The following ARHGAP15 variants were observed in gnomAD, a reference collection of about 807,000 sequenced individuals.
ARHGAP15 encodes rho GTPase-activating protein 15.
A neutral mutation model predicts 63.7 loss-of-function variants in ARHGAP15; 51 were observed. The observed-to-expected ratio is 0.80, with a 90% CI of 0.64 to 1.01. ARHGAP15 has a LOEUF of 1.01. Among genes scored for constraint, ARHGAP15 ranks in the 50% least tolerant of loss-of-function variants. The probability of loss-of-function intolerance (pLI) is 0.00; values close to 1 mark genes in which losing one functional copy is unlikely to be tolerated. For missense variants in ARHGAP15, 560 were observed against 564.6 expected (o/e 0.99, Z 0.08); for synonymous variants, 191 against 193.8 (o/e 0.99, Z 0.12).
intron 2 of ARHGAP15, among the ~76,000 whole-genome samples, chr2:143,173,289 AAGT>A (rs1438643918): frequency 1.3e-5 from 2 of 152,108 alleles, no homozygotes; most frequent in African/African-American, 4.8e-5. Context: ...ACAGTTATAC[AAGT>A]AGTATTTATA....
intron 8 of ARHGAP15, among the ~76,000 whole-genome samples, chr2:143,447,422 A>G (rs1690193346): frequency 6.6e-6 from 1 of 152,198 alleles, no homozygotes; most frequent in African/African-American, 2.4e-5. Context: ...AGTAAACTGA[A>G]AACCACTGAA....
chr2:143,543,103 G>A (rs1480438693), intron 10 of ARHGAP15, among the ~76,000 whole-genome samples: 3 of 151,606 alleles, frequency 2.0e-5, no homozygotes, highest in Non-Finnish European at 4.4e-5. Flanking sequence ...ATTTTTAATT[G>A]TTTGAGGAAT....
intron 11 of ARHGAP15, among the ~76,000 whole-genome samples, chr2:143,559,819 A>G (rs1160625657): frequency 6.6e-6 from 1 of 152,252 alleles, no homozygotes; most frequent in Non-Finnish European, 1.5e-5. Flanking sequence ...CATGAAAAGC[A>G]TAAAGTGCTA....
At chr2:143,184,922 A>G (rs768913742) in intron 2 of ARHGAP15, among the ~76,000 whole-genome samples, 2 of 151,416 alleles carry the variant, frequency 1.3e-5, no homozygotes, top group Admixed American at 6.6e-5. Context: ...ACCTCAATCA[A>G]TCTTCCCTCG....
At chr2:143,760,338 TAACA>T (rs1462403527) in intron 13 of ARHGAP15, among the ~76,000 whole-genome samples, 1 of 152,210 alleles carries the variant, frequency 6.6e-6, no homozygotes, top group Admixed American at 6.6e-5. Flanking sequence ...GTATTAATAG[TAACA>T]AACAGTAACT....
At chr2:143,294,563 A>G (rs1188278503) in intron 6 of ARHGAP15, among the ~76,000 whole-genome samples, 3 of 152,024 alleles carry the variant, frequency 2.0e-5, no homozygotes, top group Non-Finnish European at 2.9e-5. Flanking sequence ...TTCTAAGACC[A>G]CTGTTTCTCT....
At chr2:143,662,111 G>T (rs1380127864) in intron 12 of ARHGAP15, among the ~76,000 whole-genome samples, 2 of 152,222 alleles carry the variant, frequency 1.3e-5, no homozygotes, top group African/African-American at 2.4e-5. Context: ...TCCACCTCTG[G>T]GGGCAGGGCA....
chr2:143,141,537 G>A (rs980501431), intron 1 of ARHGAP15, among the ~76,000 whole-genome samples: 8 of 152,070 alleles, frequency 5.3e-5, no homozygotes, highest in African/African-American at 1.7e-4. Context: ...AATAGAAACA[G>A]TAGAGGAGGC....
At chr2:143,300,172 G>T (rs1468727700) in intron 6 of ARHGAP15, among the ~76,000 whole-genome samples, 1 of 152,012 alleles carries the variant, frequency 6.6e-6, no homozygotes, top group Non-Finnish European at 1.5e-5. Context: ...TGATACCTAT[G>T]TAGAAGGGAC....
chr2:143,498,235 T>G (rs1692907275), intron 9 of ARHGAP15, among the ~76,000 whole-genome samples: 2 of 152,170 alleles, frequency 1.3e-5, no homozygotes, highest in Admixed American at 1.3e-4. Context: ...TCTTTGGACT[T>G]CTTACCCCAC....
intron 6 of ARHGAP15, chr2:143,350,857 A>G (rs961282175): frequency 6.6e-6 from 1 of 150,530 alleles, no homozygotes; most frequent in Non-Finnish European, 1.5e-5. Flanking sequence ...AAAAAAAAAA[A>G]AAAAAGAAAT....
intron 6 of ARHGAP15, among the ~76,000 whole-genome samples, chr2:143,253,151 T>C (rs1016564336): frequency 6.6e-6 from 1 of 151,542 alleles, no homozygotes; most frequent in African/African-American, 2.4e-5. Flanking sequence ...GATTTTTGGT[T>C]CAAGGAAAAT....
chr2:143,542,409 A>C (rs921909474), intron 10 of ARHGAP15, among the ~76,000 whole-genome samples: 22 of 152,118 alleles, frequency 1.4e-4, no homozygotes, highest in Non-Finnish European at 3.2e-4. Context: ...GGCACTCCCC[A>C]GTGAGATGAA....
chr2:143,569,663 G>A (rs950969451), intron 11 of ARHGAP15, among the ~76,000 whole-genome samples: 1 of 152,212 alleles, frequency 6.6e-6, no homozygotes, highest in South Asian at 2.1e-4. Flanking sequence ...TCAGTGGAAT[G>A]TCAGTGGGGT....
intron 6 of ARHGAP15, among the ~76,000 whole-genome samples, chr2:143,411,138 G>A (rs1330665830): frequency 6.6e-6 from 1 of 152,164 alleles, no homozygotes; most frequent in African/African-American, 2.4e-5. Context: ...CTCAGAAGCA[G>A]GGGCTGCAGT....
At chr2:143,326,965 A>C (rs2105241825) in intron 6 of ARHGAP15, among the ~76,000 whole-genome samples, 1 of 152,324 alleles carries the variant, frequency 6.6e-6, no homozygotes, top group East Asian at 1.9e-4. Context: ...GGAAGAAAGG[A>C]AGTCAGATTG....
At chr2:143,449,820 CT>C (rs1461721086) in intron 8 of ARHGAP15, among the ~76,000 whole-genome samples, 3 of 151,670 alleles carry the variant, frequency 2.0e-5, no homozygotes, top group Admixed American at 2.0e-4. Flanking sequence ...TCATGTCTAC[CT>C]TTTTTTAATT....
intron 9 of ARHGAP15, among the ~76,000 whole-genome samples, chr2:143,511,015 C>A (rs1693560820): frequency 6.6e-6 from 1 of 152,212 alleles, no homozygotes; most frequent in Non-Finnish European, 1.5e-5. Flanking sequence ...TGGAATCTGA[C>A]TGACAGAGAT....
intron 6 of ARHGAP15, among the ~76,000 whole-genome samples, chr2:143,258,467 G>A (rs1029528420): frequency 3.9e-5 from 6 of 152,050 alleles, no homozygotes; most frequent in African/African-American, 2.4e-5. Context: ...AACTGGAAAG[G>A]CCACTTATGG....
Sources: gnomAD v4.1 joint callset for allele counts (sites outside exome capture counted in the v4.1 genomes callset) on GRCh38, gnomAD v4.1.1 for gene constraint, MANE v1.5 for transcripts, NCBI Gene and HGNC (gene_info 2026-07-23, HGNC 2026-07-21) for gene names.